Variants in ROBO2 observed in about 807,000 individuals in gnomAD.
The protein encoded by ROBO2 is roundabout guidance receptor 2, also known as roundabout homolog 2.
In ROBO2, 53 loss-of-function variants were observed where a neutral mutation model predicts 160.8. The observed-to-expected ratio is 0.33, with a 90% CI of 0.26 to 0.41. The LOEUF (loss-of-function observed/expected upper bound fraction) is 0.41, where lower values mean the gene tolerates loss of function less well. ROBO2 is among the 10% of genes least tolerant of loss of function. The probability of loss-of-function intolerance (pLI) is 1.00; values close to 1 mark genes in which losing one functional copy is unlikely to be tolerated. For missense variants in ROBO2, 1,577 were observed against 1,722.4 expected, an observed-to-expected ratio of 0.92 and a Z score of 1.49; for synonymous variants, 664 against 611.7, an observed-to-expected ratio of 1.09 and a Z score of -1.26.
chr3:77,151,181 A>G (rs1247016136), intron 2 of ROBO2, among the ~76,000 whole-genome samples: 5 of 152,154 alleles, frequency 3.3e-5, no homozygotes, highest in Admixed American at 2.6e-4. Flanking sequence ...TTTCCACTTT[A>G]GAAGGTAGTT....
Position 76,272,764 on chromosome 3 carries a change from ATATATT to A in ROBO2, c.109+335168_109+335173del, listed in dbSNP as rs1320695571. Among the ~76,000 whole-genome samples the A allele has an allele frequency of 2.7e-4, 15 of 55,008 alleles. 1 individual carries two copies. Among genetic ancestry groups the A allele is most frequent in the African/African-American group, 9.3e-4 (14 of 14,996 alleles). The allele number at this position is 55,008 out of a possible 152,430, so 36.1% of individuals were successfully genotyped here. On this transcript the variant is annotated intron_variant, in intron 2 of 26. Coordinates refer to the ROBO2 transcript ENST00000487694. Reference sequence around the variant, plus strand: ...TATTCTCTATATATAAATATATAATATATATTTATATATAAAATATATAAAATATAT... The same window carrying A: ...TATTCTCTATATATAAATATATAATATATATATAAAATATATAAAATATAT...
chr3:77,482,005 C>T (rs1306401582), intron 4 of ROBO2, among the ~76,000 whole-genome samples: 1 of 152,072 alleles, frequency 6.6e-6, no homozygotes, highest in Non-Finnish European at 1.5e-5. Flanking sequence ...AAATGAAACA[C>T]TCTTTTAGAA....
chr3:76,696,005 T>C (rs2092919109), intron 2 of ROBO2, among the ~76,000 whole-genome samples: 1 of 152,180 alleles, frequency 6.6e-6, no homozygotes, highest in Non-Finnish European at 1.5e-5. Context: ...GGAACTATAG[T>C]TACATAATTT....
At chr3:75,918,885 T>A (rs1280057718) in intron 1 of ROBO2, among the ~76,000 whole-genome samples, 1 of 152,168 alleles carries the variant, frequency 6.6e-6, no homozygotes, top group African/African-American at 2.4e-5. Context: ...GCACATTAAT[T>A]TTATATCCTG....
At chr3:77,480,534 A>G (rs2084564042) in intron 3 of ROBO2, among the ~76,000 whole-genome samples, 1 of 152,078 alleles carries the variant, frequency 6.6e-6, no homozygotes, top group Admixed American at 6.6e-5. Context: ...CCAACCTGCC[A>G]TTTTCTCCAA....
intron 2 of ROBO2, among the ~76,000 whole-genome samples, chr3:76,858,401 T>A (rs2070373879): frequency 6.6e-6 from 1 of 152,152 alleles, no homozygotes; most frequent in African/African-American, 2.4e-5. Flanking sequence ...TAGCTGGGAC[T>A]ACAAGGCACC....
intron 2 of ROBO2, among the ~76,000 whole-genome samples, chr3:76,227,791 C>A (rs756048209): frequency 3.3e-5 from 5 of 152,160 alleles, no homozygotes; most frequent in Non-Finnish European, 7.3e-5. Flanking sequence ...TTTAACACAT[C>A]CGCTGGGGAT....
At chr3:76,188,950 G>A (rs969237466) in intron 2 of ROBO2, among the ~76,000 whole-genome samples, 91 of 152,202 alleles carry the variant, frequency 6.0e-4, no homozygotes, top group African/African-American at 2.0e-3. Context: ...ATGCTGCAAT[G>A]GAATCATAAG....
chr3:76,655,320 C>T (rs2091455871), intron 2 of ROBO2, among the ~76,000 whole-genome samples: 1 of 147,848 alleles, frequency 6.8e-6, no homozygotes, highest in African/African-American at 2.5e-5. Flanking sequence ...AATATTAATA[C>T]AAAGTTTAAT....
intron 2 of ROBO2, among the ~76,000 whole-genome samples, chr3:77,163,125 C>T (rs1471537883): frequency 6.6e-6 from 1 of 152,084 alleles, no homozygotes; most frequent in Admixed American, 6.6e-5. Flanking sequence ...TGTGAGCCAC[C>T]GTACCTGGCC....
chr3:76,340,051 C>G (rs1237742913), intron 2 of ROBO2, among the ~76,000 whole-genome samples: 1 of 148,156 alleles, frequency 6.7e-6, no homozygotes, highest in Non-Finnish European at 1.5e-5. Context: ...GCATAAACTA[C>G]TAGCTACAAA....
intron 2 of ROBO2, among the ~76,000 whole-genome samples, chr3:76,760,129 G>A (rs2597234): frequency 0.84 from 127,205 of 151,728 alleles, 53,428 homozygotes; most frequent in Admixed American, 0.86. Flanking sequence ...TGTGTTGCTC[G>A]TACCCAGATA....
At chr3:76,733,039 G>A (rs576543615) in intron 2 of ROBO2, among the ~76,000 whole-genome samples, 2 of 151,902 alleles carry the variant, frequency 1.3e-5, no homozygotes, top group Non-Finnish European at 2.9e-5. Flanking sequence ...ATATTTTGAT[G>A]CTATCTTCTG....
intron 2 of ROBO2, among the ~76,000 whole-genome samples, chr3:76,719,603 G>C (rs1221202273): frequency 6.6e-6 from 1 of 152,170 alleles, no homozygotes; most frequent in African/African-American, 2.4e-5. Flanking sequence ...TTACAATAAG[G>C]CCGGGTGTGG....
intron 2 of ROBO2, among the ~76,000 whole-genome samples, chr3:76,282,912 T>C (rs1362015809): frequency 6.6e-6 from 1 of 151,514 alleles, no homozygotes; most frequent in Non-Finnish European, 1.5e-5. Context: ...AATAAGTACA[T>C]GTCTAGTTTT....
chr3:77,005,217 G>A (rs1452287268), intron 2 of ROBO2, among the ~76,000 whole-genome samples: 1 of 152,158 alleles, frequency 6.6e-6, no homozygotes. Context: ...CCGCCTTGCT[G>A]TGGTGCGCCA....
intron 8 of ROBO2, among the ~76,000 whole-genome samples, chr3:77,553,695 A>G (rs1016493896): frequency 2.0e-5 from 3 of 151,954 alleles, no homozygotes; most frequent in Non-Finnish European, 2.9e-5. Flanking sequence ...GAGTCACAAC[A>G]TTCCCTTAAG....
chr3:76,745,403 A>G (rs1327765665), intron 2 of ROBO2, among the ~76,000 whole-genome samples: 5 of 152,182 alleles, frequency 3.3e-5, no homozygotes, highest in Non-Finnish European at 7.3e-5. Flanking sequence ...GGCACATTGC[A>G]ATAAGATGAA....
intron 2 of ROBO2, among the ~76,000 whole-genome samples, chr3:76,581,015 T>C (rs1218583351): frequency 3.3e-5 from 5 of 152,182 alleles, no homozygotes; most frequent in African/African-American, 9.7e-5. Context: ...TTAGTGATTG[T>C]GGTTGATCAG....
Sources: gnomAD v4.1 joint callset for allele counts (sites outside exome capture counted in the v4.1 genomes callset) on GRCh38, gnomAD v4.1.1 for gene constraint, MANE v1.5 for transcripts, NCBI Gene and HGNC (gene_info 2026-07-23, HGNC 2026-07-21) for gene names.